Variants in AFG2A observed in about 807,000 individuals in gnomAD.
AFG2A encodes ATPase family gene 2 protein homolog A.
the AFG2A span, among the ~76,000 whole-genome samples, chr4:123,045,192 T>C: frequency 6.6e-6 from 1 of 152,156 alleles, no homozygotes; most frequent in Non-Finnish European, 1.5e-5. Context: ...CTTCTATTTC[T>C]TTAAGATCTC....
chr4:123,002,923 C>G, the AFG2A span, among the ~76,000 whole-genome samples: 1 of 152,164 alleles, frequency 6.6e-6, no homozygotes, highest in Non-Finnish European at 1.5e-5. Flanking sequence ...TTCATTCTCC[C>G]CATCACTTTC....
chr4:123,206,916 C>T, the AFG2A span, among the ~76,000 whole-genome samples: 1 of 152,084 alleles, frequency 6.6e-6, no homozygotes, highest in African/African-American at 2.4e-5. Context: ...AGCTTTCTTT[C>T]TACTCTTGCT....
the AFG2A span, among the ~76,000 whole-genome samples, chr4:123,184,894 A>G: frequency 0.019 from 2,845 of 152,322 alleles, 62 homozygotes; most frequent in South Asian, 0.11. Flanking sequence ...TAAGTTGCCA[A>G]TAATGTTGAT....
chr4:123,028,422 A>G, the AFG2A span: 6 of 1,600,396 alleles, frequency 3.7e-6, no homozygotes, highest in Non-Finnish European at 4.3e-6. Context: ...TTTAATCGCT[A>G]CTCTCTCTTG....
the AFG2A span, among the ~76,000 whole-genome samples, chr4:123,274,371 A>AT: frequency 5.4e-3 from 786 of 146,896 alleles, 7 homozygotes; most frequent in African/African-American, 0.015. Flanking sequence ...AAAAACTCTG[A>AT]TTTTTTTTTT....
the AFG2A span, among the ~76,000 whole-genome samples, chr4:123,193,956 C>T: frequency 6.6e-6 from 1 of 152,106 alleles, no homozygotes; most frequent in Non-Finnish European, 1.5e-5. Flanking sequence ...GACTTAATGA[C>T]ATATTAGAAC....
At chr4:123,232,428 T>G in the AFG2A span, among the ~76,000 whole-genome samples, 1 of 152,020 alleles carries the variant, frequency 6.6e-6, no homozygotes, top group African/African-American at 2.4e-5. Context: ...GTAGTTCATC[T>G]TTTCCAATCC....
At chr4:123,268,479 T>G in the AFG2A span, among the ~76,000 whole-genome samples, 1 of 152,164 alleles carries the variant, frequency 6.6e-6, no homozygotes, top group Non-Finnish European at 1.5e-5. Flanking sequence ...TTTCCAAGAT[T>G]TGAACATTAA....
the AFG2A span, among the ~76,000 whole-genome samples, chr4:123,015,799 T>C: frequency 1.3e-5 from 1 of 77,934 alleles, no homozygotes; most frequent in Non-Finnish European, 3.1e-5. Flanking sequence ...ACCGGGCGGC[T>C]CGGGTGGGGG....
chr4:123,003,102 C>T, the AFG2A span, among the ~76,000 whole-genome samples: 2 of 152,172 alleles, frequency 1.3e-5, no homozygotes, highest in African/African-American at 4.8e-5. Context: ...CGCATCGGCT[C>T]CTGAGGCTTC....
chr4:123,270,237 G>T, the AFG2A span, among the ~76,000 whole-genome samples: 14 of 152,274 alleles, frequency 9.2e-5, no homozygotes, highest in East Asian at 2.7e-3. Context: ...TATGTAGTTG[G>T]TCATTATGGG....
the AFG2A span, among the ~76,000 whole-genome samples, chr4:123,013,174 GA>G: frequency 6.6e-6 from 1 of 152,014 alleles, no homozygotes; most frequent in Non-Finnish European, 1.5e-5. Context: ...CTCAGTGGGG[GA>G]GCTTTTGAGC....
the AFG2A span, among the ~76,000 whole-genome samples, chr4:123,007,642 A>AAAT: frequency 0.043 from 1,092 of 25,516 alleles, 14 homozygotes; most frequent in Non-Finnish European, 0.074. Flanking sequence ...ACACACACAC[A>AAAT]ACACACACAC....
the AFG2A span, among the ~76,000 whole-genome samples, chr4:123,244,957 A>G: frequency 6.6e-6 from 1 of 152,212 alleles, no homozygotes. Context: ...ATATGTGCAA[A>G]AGAAATGTGA....
chr4:123,258,406 C>T, the AFG2A span, among the ~76,000 whole-genome samples: 1 of 152,178 alleles, frequency 6.6e-6, no homozygotes, highest in Non-Finnish European at 1.5e-5. Flanking sequence ...CTCTCTGTTT[C>T]TCTGTCTTCA....
chr4:123,313,975 G>A, the AFG2A span: 1 of 1,612,918 alleles, frequency 6.2e-7, no homozygotes, highest in Non-Finnish European at 8.5e-7. Flanking sequence ...TTTCACTCAG[G>A]CCTTGAGCAC....
the AFG2A span, among the ~76,000 whole-genome samples, chr4:123,095,116 T>C: frequency 1.4e-5 from 2 of 147,922 alleles, no homozygotes; most frequent in South Asian, 2.1e-4. Context: ...ATCCACACTT[T>C]CCTCACATCC....
At chr4:123,187,330 G>A in the AFG2A span, among the ~76,000 whole-genome samples, 1 of 152,080 alleles carries the variant, frequency 6.6e-6, no homozygotes, top group Non-Finnish European at 1.5e-5. Context: ...TGAATCTTTA[G>A]TTGTTCCCTA....
chr4:122,962,034 C>T, the AFG2A span, among the ~76,000 whole-genome samples: 1 of 152,246 alleles, frequency 6.6e-6, no homozygotes, highest in Non-Finnish European at 1.5e-5. Flanking sequence ...AACTGTTCCA[C>T]CTCAGATCAT....
Sources: allele counts gnomAD v4.1 joint callset (sites outside exome capture counted in the v4.1 genomes callset), GRCh38; gene constraint gnomAD v4.1.1; transcripts MANE v1.5; gene names NCBI Gene and HGNC (gene_info 2026-07-23, HGNC 2026-07-21).